The following ZMPSTE24 variants were observed in gnomAD, a reference collection of about 807,000 sequenced individuals.
ZMPSTE24 encodes zinc metallopeptidase STE24.
A neutral mutation model predicts 56.7 loss-of-function variants in ZMPSTE24; 48 were observed. That is an observed-to-expected ratio of 0.85 (90% CI 0.67 to 1.08). ZMPSTE24 has a LOEUF of 1.08. ZMPSTE24 is among the 50% of genes least tolerant of loss of function. ZMPSTE24 has a pLI of 0.00. For synonymous variants in ZMPSTE24, 172 were observed against 195.2 expected, an observed-to-expected ratio of 0.88 and a Z score of 0.99; for missense variants, 503 against 548.7, an observed-to-expected ratio of 0.92 and a Z score of 0.83.
At chr1:40,271,280 T>C (rs1299073938) in intron 5 of ZMPSTE24, among the ~76,000 whole-genome samples, 1 of 152,234 alleles carries the variant, frequency 6.6e-6, no homozygotes, top group Admixed American at 6.5e-5. Context: ...TCATTTTCCA[T>C]TGATGGGATC....
chr1:40,264,806 G>A (rs1181334748), intron 2 of ZMPSTE24, among the ~76,000 whole-genome samples: 1 of 149,300 alleles, frequency 6.7e-6, no homozygotes, highest in African/African-American at 2.5e-5. Context: ...TGGAGCCCAG[G>A]AGATGGAGGC....
intron 3 of ZMPSTE24, 36 bp downstream of exon 3, chr1:40,267,908 T>G (rs1643571911): frequency 6.4e-7 from 1 of 1,572,358 alleles, no homozygotes; most frequent in African/African-American, 1.4e-5. Context: ...GTCATGGTAT[T>G]TCTTTTAGCT....
At chr1:40,285,257 C>T (rs1316067228) in intron 7 of ZMPSTE24, among the ~76,000 whole-genome samples, 1 of 152,056 alleles carries the variant, frequency 6.6e-6, no homozygotes, top group Non-Finnish European at 1.5e-5. Flanking sequence ...CAGGCGCATA[C>T]CACGATACCC....
At chr1:40,261,546 T>C (rs1481017913) in intron 2 of ZMPSTE24, among the ~76,000 whole-genome samples, 1 of 152,174 alleles carries the variant, frequency 6.6e-6, no homozygotes, top group Non-Finnish European at 1.5e-5. Flanking sequence ...TGAGCCACAC[T>C]GTACCTGGCC....
chr1:40,268,374 C>A, intron 3 of ZMPSTE24, 45 bp from the exon 4 acceptor site: 1 of 1,265,976 alleles, frequency 7.9e-7, no homozygotes, highest in Non-Finnish European at 1.1e-6. Context: ...GATTTGTTTG[C>A]CAGTAGTTCA....
intron 1 of ZMPSTE24, chr1:40,259,591 T>A (rs998476102): frequency 1.3e-5 from 2 of 152,056 alleles, no homozygotes; most frequent in African/African-American, 4.8e-5. Context: ...GGTTTCACCA[T>A]CTTGGCCAGG....
At chr1:40,286,452 G>T (rs559406205) in intron 8 of ZMPSTE24, among the ~76,000 whole-genome samples, 3 of 151,944 alleles carry the variant, frequency 2.0e-5, no homozygotes, top group African/African-American at 7.3e-5. Context: ...ACAGAGTCTC[G>T]CTCTGTCACC....
intron 2 of ZMPSTE24, among the ~76,000 whole-genome samples, chr1:40,265,712 A>G (rs1218972761): frequency 6.6e-6 from 1 of 152,082 alleles, no homozygotes; most frequent in African/African-American, 2.4e-5. Context: ...AAAGAAAACA[A>G]TTTATTAAAG....
At chr1:40,277,147 G>A (rs996119208) in intron 6 of ZMPSTE24, among the ~76,000 whole-genome samples, 1 of 149,394 alleles carries the variant, frequency 6.7e-6, no homozygotes, top group African/African-American at 2.5e-5. Context: ...GTGCAGTGGT[G>A]CAATCTTGGC....
Position 40,293,037 on chromosome 1 carries a change from C to T in ZMPSTE24, c.*368C>T, listed in dbSNP as rs1218996986. On this transcript the variant is annotated 3_prime_UTR_variant, in exon 10 of 10. Transcript: ENST00000372759. ...GGGAGCATCACCACAGGAATCCTTTCTGTGAGGTGGAAACAGTGGTCCTGA... is the reference window on the plus strand; with the variant it reads ...GGGAGCATCACCACAGGAATCCTTTTTGTGAGGTGGAAACAGTGGTCCTGA... The T allele has an allele frequency of 4.2e-6, 1 of 240,860 alleles. No homozygotes were observed. Among genetic ancestry groups the T allele is most frequent in the African/African-American group, 2.3e-5 (1 of 42,646 alleles). The allele number at this position is 240,860 out of a possible 1,614,324, so 14.9% of individuals were successfully genotyped here.
chr1:40,281,705 T>C (rs1191149761), intron 7 of ZMPSTE24, among the ~76,000 whole-genome samples, 178 bp downstream of exon 7: 5 of 152,188 alleles, frequency 3.3e-5, no homozygotes, highest in Non-Finnish European at 1.5e-5. Flanking sequence ...TATTACATGC[T>C]AACTACCTTG....
At chr1:40,283,389 C>T (rs1288297617) in intron 7 of ZMPSTE24, among the ~76,000 whole-genome samples, 1 of 151,906 alleles carries the variant, frequency 6.6e-6, no homozygotes, top group Non-Finnish European at 1.5e-5. Flanking sequence ...GCCTGTAATC[C>T]CAGTACTCAG....
chr1:40,274,828 G>C (rs1217872131), intron 6 of ZMPSTE24, among the ~76,000 whole-genome samples: 2 of 152,190 alleles, frequency 1.3e-5, no homozygotes, highest in African/African-American at 4.8e-5. Flanking sequence ...TTAATGGAGA[G>C]AAGTGGATAC....
chr1:40,268,358 C>CT lies in ZMPSTE24; in HGVS notation c.358-59dup, dbSNP rs1643577659. ...GTAGTAAGTAAGTGCTCAGCAAATA[C>CT]TTGTTGATTTGTTTGCCAGTAGTTC... On this transcript the variant is annotated intron_variant, in intron 3 of 9. Coordinates refer to ENST00000372759, the MANE Select transcript of ZMPSTE24 (RefSeq NM_005857.5). 5 of 1,091,562 alleles carry CT rather than the reference C, an allele frequency of 4.6e-6. No individual in the cohort carries two copies. In the East Asian group the frequency reaches 7.1e-5, roughly 15 times the overall value. The allele number at this position is 1,091,562 out of a possible 1,614,324, so 67.6% of individuals were successfully genotyped here.
chr1:40,273,164 A>C (rs1643628808), intron 6 of ZMPSTE24, among the ~76,000 whole-genome samples: 1 of 152,192 alleles, frequency 6.6e-6, no homozygotes, highest in Admixed American at 6.5e-5. Flanking sequence ...GGGTTAGAGG[A>C]GAACAGAGAT....
intron 7 of ZMPSTE24, among the ~76,000 whole-genome samples, chr1:40,284,141 A>T (rs1186840055): frequency 7.5e-6 from 1 of 134,040 alleles, no homozygotes; most frequent in Non-Finnish European, 1.6e-5. Context: ...TTTAGTAGAG[A>T]CGGGGTTTCA....
intron 2 of ZMPSTE24, chr1:40,262,775 T>C: frequency 8.6e-7 from 1 of 1,156,298 alleles, no homozygotes; most frequent in Non-Finnish European, 1.1e-6. Context: ...CTGCAGTTGA[T>C]GTCTGACGGC....
At chr1:40,273,421 G>A (rs1643631504) in intron 6 of ZMPSTE24, among the ~76,000 whole-genome samples, 1 of 149,306 alleles carries the variant, frequency 6.7e-6, no homozygotes, top group Non-Finnish European at 1.5e-5. Context: ...GGGAGGCTGA[G>A]GCAGGAGAAT....
At chr1:40,283,728 T>G (rs1028825957) in intron 7 of ZMPSTE24, among the ~76,000 whole-genome samples, 5 of 152,142 alleles carry the variant, frequency 3.3e-5, no homozygotes, top group African/African-American at 1.2e-4. Context: ...GTCCTATGGT[T>G]GTAAGAAATT....
Sources: gnomAD v4.1 joint callset for allele counts (sites outside exome capture counted in the v4.1 genomes callset) on GRCh38, gnomAD v4.1.1 for gene constraint, MANE v1.5 for transcripts, NCBI Gene and HGNC (gene_info 2026-07-23, HGNC 2026-07-21) for gene names.